Variants in MROH9 observed in about 807,000 individuals in gnomAD.
MROH9 encodes the protein maestro heat like repeat family member 9.
Under a neutral mutation model 98.2 loss-of-function variants are expected in MROH9, and 92 were observed. The ratio of observed to expected loss-of-function variants is 0.94; its 90% CI spans 0.79 to 1.11. The LOEUF (loss-of-function observed/expected upper bound fraction) is 1.11. Among genes scored for constraint, MROH9 ranks in the 50% most tolerant of loss-of-function variants. The probability of loss-of-function intolerance (pLI) is 0.00; values close to 1 mark genes in which losing one functional copy is unlikely to be tolerated. For missense variants in MROH9, 1,057 were observed against 1,014.8 expected (o/e 1.04, Z -0.57); for synonymous variants, 397 against 368.9 (o/e 1.08, Z -0.87).
intron 8 of MROH9, among the ~76,000 whole-genome samples, chr1:170,974,614 G>T (rs1020002689): frequency 2.6e-5 from 4 of 151,970 alleles, no homozygotes; most frequent in African/African-American, 9.7e-5. Context: ...AGATATACAA[G>T]AGTTGGTAGA....
At chr1:171,008,738 G>T (rs1019083208) in intron 15 of MROH9, among the ~76,000 whole-genome samples, 1 of 152,156 alleles carries the variant, frequency 6.6e-6, no homozygotes, top group Non-Finnish European at 1.5e-5. Context: ...GTGCATTCCA[G>T]CTTGGGCAAC....
chr1:171,059,894 G>A (rs1372412670), intron 20 of MROH9, among the ~76,000 whole-genome samples: 1 of 151,994 alleles, frequency 6.6e-6, no homozygotes, highest in Non-Finnish European at 1.5e-5. Context: ...TGGGAGGTGA[G>A]GGGAAGAAAC....
At chr1:171,062,726 TC>T (rs1192603982) in intron 21 of MROH9, among the ~76,000 whole-genome samples, 2 of 152,232 alleles carry the variant, frequency 1.3e-5, no homozygotes, top group East Asian at 3.8e-4. Flanking sequence ...CTGTCTATCG[TC>T]CCATCAGGGT....
intron 1 of MROH9, among the ~76,000 whole-genome samples, chr1:170,937,212 T>G (rs1057100183): frequency 6.6e-6 from 1 of 152,336 alleles, no homozygotes; most frequent in South Asian, 2.1e-4. Flanking sequence ...TTCCAACATA[T>G]GTCCTGCATA....
At chr1:171,001,494 C>T (rs1028583203) in intron 15 of MROH9, among the ~76,000 whole-genome samples, 6 of 152,012 alleles carry the variant, frequency 3.9e-5, no homozygotes, top group African/African-American at 1.2e-4. Context: ...ATCTTGATTT[C>T]GTTTTTGACC....
At chr1:171,022,355 C>T (rs1652547907) in intron 17 of MROH9, among the ~76,000 whole-genome samples, 1 of 152,122 alleles carries the variant, frequency 6.6e-6, no homozygotes, top group Non-Finnish European at 1.5e-5. Flanking sequence ...CCCAAATGCC[C>T]ATCAATGTTA....
chr1:170,993,231 T>G (rs1275974670), intron 12 of MROH9, among the ~76,000 whole-genome samples: 3 of 152,172 alleles, frequency 2.0e-5, no homozygotes, highest in African/African-American at 7.2e-5. Context: ...ACTAATAAAG[T>G]TTGTTTTTTC....
intron 15 of MROH9, among the ~76,000 whole-genome samples, chr1:171,011,148 AGAGACAGACAGC>A (rs1652143615): frequency 6.6e-6 from 1 of 152,218 alleles, no homozygotes; most frequent in Non-Finnish European, 1.5e-5. Context: ...AGACAGGAAT[AGAGACAGACAGC>A]GAGACAGATG....
At chr1:170,970,702 CTGTGTG>C (rs3980698) in intron 7 of MROH9, among the ~76,000 whole-genome samples, 28 of 118,464 alleles carry the variant, frequency 2.4e-4, no homozygotes, top group Admixed American at 1.3e-3. Flanking sequence ...TTAGGAATTT[CTGTGTG>C]TGTGTGTGTG....
At chr1:171,030,171 TAATTC>T (rs747347594) in intron 20 of MROH9, among the ~76,000 whole-genome samples, 1 of 152,208 alleles carries the variant, frequency 6.6e-6, no homozygotes, top group Non-Finnish European at 1.5e-5. Flanking sequence ...TGTATCTATT[TAATTC>T]TTCTTTTTTT....
intron 3 of MROH9, among the ~76,000 whole-genome samples, chr1:170,955,984 AT>A (rs2101885077): frequency 6.6e-6 from 1 of 152,168 alleles, no homozygotes; most frequent in Non-Finnish European, 1.5e-5. Flanking sequence ...TCTTGTGTTG[AT>A]TTTTGTATAA....
chr1:171,015,916 A>C (rs1471953907), intron 16 of MROH9, among the ~76,000 whole-genome samples: 1 of 152,218 alleles, frequency 6.6e-6, no homozygotes, highest in African/African-American at 2.4e-5. Flanking sequence ...AATGTAGCGA[A>C]AGAATTAGGG....
intron 20 of MROH9, among the ~76,000 whole-genome samples, chr1:171,045,441 T>C (rs902213355): frequency 3.3e-5 from 5 of 152,168 alleles, no homozygotes; most frequent in African/African-American, 1.2e-4. Flanking sequence ...AGCTACAGAC[T>C]TCTCTCTTAG....
chr1:171,019,010 G>A (rs7879279), intron 17 of MROH9, among the ~76,000 whole-genome samples: 33,377 of 152,120 alleles, frequency 0.22, 5,780 homozygotes, highest in African/African-American at 0.49. Flanking sequence ...TCAACAGAAT[G>A]TACATTCTTC....
At chr1:171,056,607 C>T (rs978347583) in intron 20 of MROH9, among the ~76,000 whole-genome samples, 1 of 152,134 alleles carries the variant, frequency 6.6e-6, no homozygotes, top group African/African-American at 2.4e-5. Context: ...TAGCAAAGCA[C>T]ACCCCTGCAC....
chr1:171,034,868 AG>A (rs1228943892), intron 20 of MROH9, among the ~76,000 whole-genome samples: 2 of 152,100 alleles, frequency 1.3e-5, no homozygotes, highest in African/African-American at 4.8e-5. Flanking sequence ...CCTGTGGAAC[AG>A]AATAGAAAGC....
intron 20 of MROH9, among the ~76,000 whole-genome samples, chr1:171,032,012 C>T (rs1431839557): frequency 6.6e-6 from 1 of 152,012 alleles, no homozygotes; most frequent in African/African-American, 2.4e-5. Context: ...GTCTGCATGC[C>T]TTATTTCAGT....
chr1:170,947,008 T>C (rs1377433801), intron 2 of MROH9, among the ~76,000 whole-genome samples: 1 of 151,902 alleles, frequency 6.6e-6, no homozygotes, highest in Non-Finnish European at 1.5e-5. Flanking sequence ...AAATGGTAAA[T>C]GATGGTGGTA....
intron 3 of MROH9, among the ~76,000 whole-genome samples, chr1:170,957,132 T>G (rs1156276551): frequency 6.6e-6 from 1 of 152,120 alleles, no homozygotes; most frequent in Admixed American, 6.5e-5. Flanking sequence ...TCTTTCTAAT[T>G]TTATTAATTG....
Sources: gnomAD v4.1 joint callset for allele counts (sites outside exome capture counted in the v4.1 genomes callset) on GRCh38, gnomAD v4.1.1 for gene constraint, MANE v1.5 for transcripts, NCBI Gene and HGNC (gene_info 2026-07-23, HGNC 2026-07-21) for gene names.